Variants in GRXCR1 observed in about 807,000 individuals in gnomAD.
GRXCR1 encodes glutaredoxin domain-containing cysteine-rich protein 1.
A neutral mutation model predicts 27.3 loss-of-function variants in GRXCR1; 27 were observed. The ratio of observed to expected loss-of-function variants is 0.99; its 90% CI spans 0.73 to 1.37. The LOEUF (loss-of-function observed/expected upper bound fraction) is 1.37. Ranked by LOEUF, GRXCR1 falls within the 40% of genes most tolerant of loss-of-function variation. The pLI is 0.00. For missense variants in GRXCR1, 379 were observed against 354.4 expected (o/e 1.07, Z -0.56); for synonymous variants, 122 against 131.1 (o/e 0.93, Z 0.47).
chr4:43,027,124 C>A (rs757472867), intron 3 of GRXCR1, among the ~76,000 whole-genome samples: 9 of 152,178 alleles, frequency 5.9e-5, no homozygotes, highest in Non-Finnish European at 1.2e-4. Flanking sequence ...TAATAAAAAT[C>A]ATTTCAATAG....
intron 1 of GRXCR1, among the ~76,000 whole-genome samples, chr4:42,940,687 CT>C (rs1188168953): frequency 6.6e-6 from 1 of 152,028 alleles, no homozygotes; most frequent in Non-Finnish European, 1.5e-5. Context: ...CCTATATTAG[CT>C]TTAAAATGGC....
chr4:42,935,604 C>T lies in GRXCR1; in HGVS notation c.385-27288C>T, dbSNP rs140953970. 2.5e-3 allele frequency among the ~76,000 whole-genome samples: 379 copies of T among 151,898 alleles called. 1 individual carries two copies. Among genetic ancestry groups the T allele is most frequent in the African/African-American group, 8.8e-3 (363 of 41,472 alleles). The stretch of plus-strand genomic sequence containing the variant: ...GAAATAAAATTAAGATCCAGATATA[C>T]AAAGAAGCTCTGTAAGAGTGGAGGT... On this transcript the variant is annotated intron_variant, in intron 1 of 3. Coordinates refer to ENST00000399770, the MANE Select transcript of GRXCR1 (RefSeq NM_001080476.3).
At chr4:42,948,928 T>C (rs767421954) in intron 1 of GRXCR1, among the ~76,000 whole-genome samples, 1 of 152,204 alleles carries the variant, frequency 6.6e-6, no homozygotes, top group Non-Finnish European at 1.5e-5. Context: ...TTTCTGTCCA[T>C]TGAAACCCAT....
intron 1 of GRXCR1, among the ~76,000 whole-genome samples, chr4:42,922,051 A>C: frequency 6.6e-6 from 1 of 152,168 alleles, no homozygotes; most frequent in Non-Finnish European, 1.5e-5. Flanking sequence ...TATGAGTACA[A>C]ATGGAGGTCT....
intron 1 of GRXCR1, among the ~76,000 whole-genome samples, chr4:42,901,641 T>C (rs546863876): frequency 2.0e-5 from 3 of 152,334 alleles, no homozygotes; most frequent in Middle Eastern, 6.8e-3. Flanking sequence ...AATATATTCA[T>C]AGATTGTAGA....
At chr4:42,916,433 T>C (rs1412754421) in intron 1 of GRXCR1, among the ~76,000 whole-genome samples, 1 of 152,178 alleles carries the variant, frequency 6.6e-6, no homozygotes, top group Non-Finnish European at 1.5e-5. Flanking sequence ...TATCTGTCAT[T>C]TTTTGAGATA....
intron 2 of GRXCR1, among the ~76,000 whole-genome samples, chr4:42,989,324 C>T (rs1711887807): frequency 6.6e-6 from 1 of 152,166 alleles, no homozygotes; most frequent in Admixed American, 6.5e-5. Context: ...CCTATTGTCT[C>T]TTCTTCATCT....
intron 1 of GRXCR1, among the ~76,000 whole-genome samples, chr4:42,914,531 G>T (rs1212099512): frequency 6.6e-6 from 1 of 152,190 alleles, no homozygotes; most frequent in Non-Finnish European, 1.5e-5. Context: ...TAACTAACTT[G>T]CTTTTGATTT....
intron 1 of GRXCR1, among the ~76,000 whole-genome samples, chr4:42,957,584 T>C (rs188256015): frequency 1.1e-3 from 162 of 152,082 alleles, no homozygotes; most frequent in Non-Finnish European, 2.0e-3. Flanking sequence ...GAGGCTATTT[T>C]GTAGATCCTA....
intron 2 of GRXCR1, among the ~76,000 whole-genome samples, chr4:42,984,782 C>G (rs1711648744): frequency 6.6e-6 from 1 of 152,180 alleles, no homozygotes; most frequent in African/African-American, 2.4e-5. Flanking sequence ...TGTCCAGAAT[C>G]TGGGGCTGCT....
chr4:42,976,725 C>A (rs80323383), intron 2 of GRXCR1, among the ~76,000 whole-genome samples: 1 of 151,850 alleles, frequency 6.6e-6, no homozygotes, highest in African/African-American at 2.4e-5. Flanking sequence ...TTATCATGTA[C>A]AACATGATGT....
chr4:42,906,759 TCTCTTATAATA>T (rs1382623744), intron 1 of GRXCR1, among the ~76,000 whole-genome samples: 1 of 152,126 alleles, frequency 6.6e-6, no homozygotes, highest in African/African-American at 2.4e-5. Context: ...CGCAGGTGCC[TCTCTTATAATA>T]CTGTTTCTTT....
At chr4:42,933,207 C>G (rs1294298566) in intron 1 of GRXCR1, among the ~76,000 whole-genome samples, 1 of 151,956 alleles carries the variant, frequency 6.6e-6, no homozygotes, top group African/African-American at 2.4e-5. Context: ...ACACCTCCAC[C>G]TCTTTATGCC....
chr4:42,914,034 C>T (rs1160492487), intron 1 of GRXCR1, among the ~76,000 whole-genome samples: 1 of 152,188 alleles, frequency 6.6e-6, no homozygotes, highest in African/African-American at 2.4e-5. Flanking sequence ...ACTGGATTTC[C>T]AGGCAGAAGT....
At chr4:42,969,326 G>A (rs1340636271) in intron 2 of GRXCR1, among the ~76,000 whole-genome samples, 1 of 152,068 alleles carries the variant, frequency 6.6e-6, no homozygotes, top group African/African-American at 2.4e-5. Flanking sequence ...GTTTTTGTCT[G>A]TTTTCACACT....
At position 43,028,066 on chromosome 4, in the gene GRXCR1, C is replaced by T. The variant is rs139091579; in HGVS notation, c.694-2295C>T. On this transcript the variant is annotated intron_variant, in intron 3 of 3. Transcript: ENST00000399770. ...GGAGGTTGCAGTGAGCTGCTGAGGT[C>T]GCACCACTGCACTCCAGCCTGGGTA... Among the ~76,000 whole-genome samples, 761 of 151,326 alleles carry T rather than the reference C, an allele frequency of 5.0e-3. 10 individuals are homozygous for T. Among genetic ancestry groups the T allele is most frequent in the African/African-American group, 0.015 (636 of 41,186 alleles).
In GRXCR1 at chr4:42,990,333, A is replaced by T. The variant is rs1020628821; in HGVS notation, c.627+27199A>T. 5.4e-4 allele frequency among the ~76,000 whole-genome samples: 80 copies of T among 149,094 alleles called. 1 individual carries two copies. Among genetic ancestry groups the T allele is most frequent in the African/African-American group, 1.9e-3 (78 of 40,948 alleles). On this transcript the variant is annotated intron_variant, in intron 2 of 3. Coordinates refer to ENST00000399770, the MANE Select transcript of GRXCR1 (RefSeq NM_001080476.3). The stretch of plus-strand genomic sequence containing the variant: ...CAGCCTCCCAAGTAGCTGGGACTAC[A>T]GGCGCCCGCCACTACGCCCGGCTAA...
chr4:42,922,690 C>T (rs1472585899), intron 1 of GRXCR1, among the ~76,000 whole-genome samples: 3 of 152,162 alleles, frequency 2.0e-5, no homozygotes, highest in South Asian at 4.2e-4. Flanking sequence ...TCAGTGAGAT[C>T]CTGAGGCCTC....
chr4:42,904,699 C>A (rs1177305974), intron 1 of GRXCR1, among the ~76,000 whole-genome samples: 1 of 152,104 alleles, frequency 6.6e-6, no homozygotes, highest in Non-Finnish European at 1.5e-5. Context: ...TCAATAAATA[C>A]TATCATTTTT....
Sources: allele counts gnomAD v4.1 joint callset (sites outside exome capture counted in the v4.1 genomes callset), GRCh38; gene constraint gnomAD v4.1.1; transcripts MANE v1.5; gene names NCBI Gene and HGNC (gene_info 2026-07-23, HGNC 2026-07-21).